Variants in TMEM63A observed in about 807,000 individuals in gnomAD.
TMEM63A encodes the protein transmembrane protein 63A, also known as mechanosensitive cation channel TMEM63A.
Under a neutral mutation model 100.6 loss-of-function variants are expected in TMEM63A, and 76 were observed. The observed-to-expected ratio is 0.76, with a 90% confidence interval of 0.63 to 0.91. The LOEUF (loss-of-function observed/expected upper bound fraction) is 0.91, where lower values mean the gene tolerates loss of function less well. Ranked by LOEUF, TMEM63A falls within the 40% of genes least tolerant of loss-of-function variation. TMEM63A has a pLI of 0.00. For synonymous variants in TMEM63A, 401 were observed against 401.1 expected (o/e 1.00, Z 0.00); for missense variants, 876 against 1,008.8 (o/e 0.87, Z 1.78).
chr1:225,863,399 C>T (rs1372774170), intron 10 of TMEM63A, among the ~76,000 whole-genome samples: 1 of 152,134 alleles, frequency 6.6e-6, no homozygotes, highest in Non-Finnish European at 1.5e-5. Context: ...AGTTTATACC[C>T]ACTTGGCTTG....
intron 1 of TMEM63A, among the ~76,000 whole-genome samples, chr1:225,880,576 C>T (rs908062184): frequency 6.6e-6 from 1 of 152,180 alleles, no homozygotes; most frequent in Non-Finnish European, 1.5e-5. Context: ...GAATGCCTAG[C>T]ACTTACCTGT....
At chr1:225,845,330 G>A (rs745944694), downstream of TMEM63A, 6 of 1,610,908 alleles carry the variant, frequency 3.7e-6, no homozygotes, top group East Asian at 4.5e-5. Flanking sequence ...GTTCCTGTCG[G>A]TGCTGGAGCG....
intron 20 of TMEM63A, among the ~76,000 whole-genome samples, chr1:225,850,352 A>G (rs1669261638): frequency 6.6e-6 from 1 of 151,522 alleles, no homozygotes; most frequent in South Asian, 2.1e-4. Flanking sequence ...TAGGAAATAG[A>G]CACAAACCTT....
intron 20 of TMEM63A, among the ~76,000 whole-genome samples, chr1:225,851,495 G>A (rs1458168751): frequency 1.3e-5 from 2 of 151,752 alleles, no homozygotes; most frequent in African/African-American, 2.4e-5. Context: ...TCAGCCTCCC[G>A]AGTAGCTGGG....
chr1:225,858,636 T>C (rs1173826719), intron 15 of TMEM63A, among the ~76,000 whole-genome samples: 1 of 152,172 alleles, frequency 6.6e-6, no homozygotes, highest in African/African-American at 2.4e-5. Flanking sequence ...CAAAATAGTT[T>C]TATAACAAGG....
chr1:225,852,254 G>A (rs1669379843), intron 20 of TMEM63A, among the ~76,000 whole-genome samples: 1 of 152,246 alleles, frequency 6.6e-6, no homozygotes, highest in Non-Finnish European at 1.5e-5. Flanking sequence ...GGAGGCTGAG[G>A]CGGGTGGATC....
In TMEM63A at chr1:225,861,085, G is replaced by T. The variant is rs1044991600; in HGVS notation, c.1086-88C>A. 4.8e-6 allele frequency: 7 copies of T among 1,453,878 alleles called. No individual in the cohort carries two copies. The African/African-American group carries it at 1.0e-4, about 21-fold the overall frequency. 90.1% of individuals were successfully genotyped at this position (1,453,878 alleles called of 1,614,324 possible). On this transcript the variant is annotated intron_variant, in intron 13 of 24. Coordinates refer to ENST00000366835, the MANE Select transcript of TMEM63A (RefSeq NM_014698.3). ...AAGTGGGGACTGAGTAGGAGTGGGA[G>T]GCAGTGGCATAGGACCTTTGCTTTG...
downstream of TMEM63A, among the ~76,000 whole-genome samples, chr1:225,841,419 A>C (rs1021111349): frequency 6.6e-6 from 1 of 151,384 alleles, no homozygotes; most frequent in African/African-American, 2.4e-5. Context: ...AGTAGCTGGG[A>C]TTACAGGCAC....
chr1:225,874,452 T>C, intron 3 of TMEM63A, 85 bp from the exon 4 acceptor site: 1 of 1,188,566 alleles, frequency 8.4e-7, no homozygotes, highest in African/African-American at 1.5e-5. Flanking sequence ...AAAGCCCACC[T>C]GCCCGCACTC....
intron 22 of TMEM63A, 40 bp from the exon 23 acceptor site, chr1:225,848,594 T>C (rs1234119677): frequency 6.2e-7 from 1 of 1,605,998 alleles, no homozygotes; most frequent in Non-Finnish European, 8.5e-7. Context: ...TAAACAAAAC[T>C]GATCTCTGTG....
chr1:225,881,181 C>A (rs1465995438), intron 1 of TMEM63A, among the ~76,000 whole-genome samples: 2 of 152,210 alleles, frequency 1.3e-5, no homozygotes, highest in African/African-American at 2.4e-5. Flanking sequence ...TGGCTGAAAC[C>A]AGAGGCAGTG....
intron 4 of TMEM63A, among the ~76,000 whole-genome samples, 160 bp downstream of exon 4, chr1:225,874,128 C>A (rs547256682): frequency 6.6e-5 from 10 of 152,262 alleles, no homozygotes; most frequent in Admixed American, 2.0e-4. Context: ...GTGGGTCCTG[C>A]CCACATGGAG....
downstream of TMEM63A, chr1:225,842,310 T>C: frequency 1.5e-6 from 2 of 1,319,558 alleles, no homozygotes; most frequent in Non-Finnish European, 2.2e-6. Context: ...CACCTGAAGC[T>C]CCAGCTCTCT....
intron 5 of TMEM63A, chr1:225,871,767 C>T (rs912568271): frequency 7.4e-6 from 4 of 542,698 alleles, no homozygotes; most frequent in African/African-American, 5.8e-5. Flanking sequence ...CAAGGGATTC[C>T]GTACCCCTTC....
chr1:225,865,896 C>T lies in TMEM63A; in HGVS notation c.746+1G>A. On this transcript the variant is annotated splice_donor_variant, in intron 10 of 24. Transcript: ENST00000366835. LOFTEE classifies it high-confidence loss of function. The surrounding 1 kb of genome is among the most constrained non-coding windows in gnomAD (Gnocchi z 4.6). ...GCTCCCCTCCCACCCCACCTGCTTACCGGAAGTGGCTCTCCACAGTCTCCT... is the reference window on the plus strand; with the variant it reads ...GCTCCCCTCCCACCCCACCTGCTTATCGGAAGTGGCTCTCCACAGTCTCCT... 6.2e-7 allele frequency: 1 copy of T among 1,613,818 alleles called. No homozygotes were observed.
chr1:225,865,776 T>G lies in TMEM63A; in HGVS notation c.746+121A>C. The G allele has an allele frequency of 1.0e-6, 1 of 987,116 alleles. No homozygotes were observed. Among genetic ancestry groups the G allele is most frequent in the Non-Finnish European group, 1.5e-6 (1 of 652,878 alleles). The allele number at this position is 987,116 out of a possible 1,614,324, so 61.1% of individuals were successfully genotyped here. A position where few individuals can be genotyped will look rare whatever the true frequency, so the allele number is the denominator to read the frequency against. On this transcript the variant is annotated intron_variant, in intron 10 of 24. Transcript: ENST00000366835. The surrounding 1 kb of genome is among the most constrained non-coding windows in gnomAD (Gnocchi z 4.6). The stretch of plus-strand genomic sequence containing the variant: ...GTGGCAGGGCCAGGTCCTTCTCAGA[T>G]CTCACCTGGATACCCAAGCGAGAGA...
chr1:225,882,183 G>C (rs1671123014), intron 1 of TMEM63A, 121 bp downstream of exon 1: 1 of 152,436 alleles, frequency 6.6e-6, no homozygotes, highest in Middle Eastern at 3.1e-3. Context: ...CCCCTGCTTG[G>C]GGTCGGGGGC....
chr1:225,848,952 C>G lies in TMEM63A; in HGVS notation c.2132G>C (p.Cys711Ser). The G allele has an allele frequency of 6.2e-7, 1 of 1,605,554 alleles. No individual in the cohort carries two copies. The highest frequency in any genetic ancestry group is 1.1e-5 in the South Asian group (1 of 88,960). Residue 711 changes from cysteine to serine, a missense_variant, in exon 22 of 25, where the codon TGC (cysteine) becomes TCC (serine). Transcript: ENST00000366835. ...FLVLLLTILV[C>S]LAHTCFGCFK... ...GCATCCAAAGCAGGTGTGAGCCAGG[C>G]AGACCAGGATGGTGAGCAGCAGCAC...
chr1:225,881,269 C>T (rs958811358), intron 1 of TMEM63A, among the ~76,000 whole-genome samples: 3 of 152,252 alleles, frequency 2.0e-5, no homozygotes, highest in Admixed American at 2.0e-4. Context: ...CCTAACCACT[C>T]TGTGCCTTGG....
Sources: allele counts gnomAD v4.1 joint callset (sites outside exome capture counted in the v4.1 genomes callset), GRCh38; gene constraint gnomAD v4.1.1; non-coding constraint Gnocchi (gnomAD v3.1); transcripts MANE v1.5; gene names NCBI Gene and HGNC (gene_info 2026-07-23, HGNC 2026-07-21).